Variants in NLRP14 observed in about 807,000 individuals in gnomAD.
The protein encoded by NLRP14 is NLR family pyrin domain containing 14.
A neutral mutation model predicts 94.7 loss-of-function variants in NLRP14; 105 were observed. The observed-to-expected ratio is 1.11, with a 90% CI of 0.95 to 1.30. The LOEUF is 1.30. Among genes scored for constraint, NLRP14 ranks in the 50% most tolerant of loss-of-function variants. The pLI is 0.00. For synonymous variants in NLRP14, 508 were observed against 459.9 expected (o/e 1.10, Z -1.34); for missense variants, 1,362 against 1,254.1 (o/e 1.09, Z -1.30).
At chr11:7,029,450 T>C (rs1272108727) in intron 1 of NLRP14, among the ~76,000 whole-genome samples, 1 of 152,184 alleles carries the variant, frequency 6.6e-6, no homozygotes, top group African/African-American at 2.4e-5. Flanking sequence ...CACTTCCAAA[T>C]ATAAGTTTAT....
chr11:7,039,594 C>A, intron 2 of NLRP14, 120 bp from the exon 3 acceptor site: 1 of 847,946 alleles, frequency 1.2e-6, no homozygotes, highest in Middle Eastern at 2.9e-4. Context: ...CTCTAGTTTT[C>A]TTAAACCCAG....
At position 7,049,795 on chromosome 11, in the gene NLRP14, T is replaced by A. The variant is rs1852416149; in HGVS notation, c.2248T>A (p.Cys750Ser). The change falls in exon 6 of 12, where the codon TGT becomes AGT. Residue 750 changes from cysteine to serine, a missense_variant. Physicochemically the swap from Cys to Ser is moderately radical, Grantham distance 112. Coordinates refer to ENST00000299481, the MANE Select transcript of NLRP14 (RefSeq NM_176822.4). ...AGGGGATAATGGAGTAAAGTCATTG[T>A]GTGAGGCCTTGAAACACCCAGAGTG... The part of the protein sequence containing the change: ...DIGDNGVKSL[C>S]EALKHPECKL... 3.1e-6 allele frequency: 5 copies of A among 1,611,970 alleles called. No homozygotes were observed. Among genetic ancestry groups the A allele is most frequent in the Non-Finnish European group, 4.2e-6 (5 of 1,178,200 alleles).
At chr11:7,090,102 A>T in the NLRP14 span, 1 of 1,612,080 alleles carries the variant, frequency 6.2e-7, no homozygotes, top group Non-Finnish European at 8.5e-7. Flanking sequence ...CAGTTACAGC[A>T]GCAGTTATGG....
At position 7,042,962 on chromosome 11, in the gene NLRP14, T is replaced by C. The variant is rs201648157; in HGVS notation, c.936T>C (p.Ser312=). ...TGGTGACAACAAGACTCACAACTTC[T>C]AAGAGACTAAAGCAGTTGTTGAAGA... ...SLLVTTRLTT[S]KRLKQLLKNH... is the part of the protein sequence containing the mutation. Residue 312 remains serine (S), a synonymous_variant, in exon 4 of 12, where the codon TCT becomes TCC. Coordinates refer to ENST00000299481, the MANE Select transcript of NLRP14 (RefSeq NM_176822.4). 2.3e-5 allele frequency: 37 copies of C among 1,614,180 alleles called. No individual in the cohort carries two copies. The highest frequency in any genetic ancestry group is 3.1e-5 in the Non-Finnish European group (37 of 1,180,016).
Position 7,043,621 on chromosome 11 carries a change from T to A in NLRP14, c.1595T>A (p.Leu532Ter), listed in dbSNP as rs1176214109. The A allele has an allele frequency of 1.9e-6, 3 of 1,614,074 alleles. No individual in the cohort carries two copies. Among genetic ancestry groups the A allele is most frequent in the Non-Finnish European group, 2.5e-6 (3 of 1,180,044 alleles). ...CATTTGACACAGATGAAGTGCTTTTTGTTTGGCCTTTTGAATGAAGATCGA... is the reference window on the plus strand; with the variant it reads ...CATTTGACACAGATGAAGTGCTTTTAGTTTGGCCTTTTGAATGAAGATCGA... ...DPHLTQMKCF[L>*]FGLLNEDRVK... The change falls in exon 4 of 12, where the codon TTG (leucine) becomes TAG (stop). Residue 532 changes from leucine to a stop codon, truncating the protein, a stop_gained. Transcript: ENST00000299481. LOFTEE classifies it high-confidence loss of function.
chr11:7,071,340 A>G lies in NLRP14; in HGVS notation c.*32A>G. On this transcript the variant is annotated 3_prime_UTR_variant, in exon 12 of 12. Coordinates refer to ENST00000299481, the MANE Select transcript of NLRP14 (RefSeq NM_176822.4). ...GAAACTGACATTCCTTTAAAAATAT[A>G]AATATAAATACATACATACATAGAT... The G allele has an allele frequency of 6.4e-7, 1 of 1,564,994 alleles. No homozygotes were observed. Among genetic ancestry groups the G allele is most frequent in the Non-Finnish European group, 8.8e-7 (1 of 1,141,948 alleles).
intron 4 of NLRP14, among the ~76,000 whole-genome samples, 200 bp from the exon 5 acceptor site, chr11:7,046,468 C>T (rs938089276): frequency 2.0e-5 from 3 of 152,048 alleles, no homozygotes; most frequent in South Asian, 2.1e-4. Flanking sequence ...GGATGGGAAA[C>T]GGGAGAGCTA....
At chr11:7,027,882 T>G (rs2119555997) in intron 1 of NLRP14, among the ~76,000 whole-genome samples, 1 of 152,288 alleles carries the variant, frequency 6.6e-6, no homozygotes, top group Admixed American at 6.5e-5. Flanking sequence ...TTGAAACATT[T>G]TCTTCACTTG....
intron 9 of NLRP14, 31 bp from the exon 10 acceptor site, chr11:7,062,302 G>T (rs775876898): frequency 1.3e-6 from 2 of 1,581,462 alleles, no homozygotes; most frequent in African/African-American, 1.3e-5. Context: ...CACAATGGAA[G>T]GATTCACTTT....
At chr11:7,079,322 C>T in the NLRP14 span, among the ~76,000 whole-genome samples, 2 of 152,156 alleles carry the variant, frequency 1.3e-5, no homozygotes, top group Non-Finnish European at 2.9e-5. Context: ...CCCCTCTTTG[C>T]CTGTTTCTCA....
chr11:7,056,693 C>A lies in NLRP14; in HGVS notation c.2292-984C>A, dbSNP rs1289609294. On this transcript the variant is annotated intron_variant, in intron 6 of 11. Transcript: ENST00000299481. ...CTTTCATTTTTGTTCTGTTTTGCTTCCAAGATTTGGAAGCAACCTAAATGT... is the reference window on the plus strand; with the variant it reads ...CTTTCATTTTTGTTCTGTTTTGCTTACAAGATTTGGAAGCAACCTAAATGT... Among the ~76,000 whole-genome samples, 4 of 151,748 alleles carry A rather than the reference C, an allele frequency of 2.6e-5. No individual in the cohort carries two copies. The East Asian group carries it at 5.8e-4, about 22-fold the overall frequency.
chr11:7,021,396 A>C (rs1160229515), intron 1 of NLRP14, among the ~76,000 whole-genome samples: 1 of 152,144 alleles, frequency 6.6e-6, no homozygotes, highest in Non-Finnish European at 1.5e-5. Context: ...TCACCACACA[A>C]TAAGCTCTTG....
intron 6 of NLRP14, among the ~76,000 whole-genome samples, chr11:7,052,011 T>G (rs1004760753): frequency 1.3e-5 from 2 of 152,190 alleles, no homozygotes; most frequent in African/African-American, 4.8e-5. Flanking sequence ...CTCTTTGTCT[T>G]GATAATTTTT....
At chr11:7,047,873 C>A (rs1206379158) in intron 5 of NLRP14, among the ~76,000 whole-genome samples, 1 of 150,914 alleles carries the variant, frequency 6.6e-6, no homozygotes, top group Non-Finnish European at 1.5e-5. Flanking sequence ...CATTCTCCTG[C>A]CTCAGCCTCC....
In NLRP14 at chr11:7,061,438, C is replaced by T. The variant is rs1338435393; in HGVS notation, c.2805-895C>T. 2.0e-5 allele frequency among the ~76,000 whole-genome samples: 3 copies of T among 152,000 alleles called. No individual in the cohort carries two copies. The South Asian group carries it at 6.2e-4, about 31-fold the overall frequency. On this transcript the variant is annotated intron_variant, in intron 9 of 11. Transcript: ENST00000299481. ...TTTCTGTCCTTAGCATTGCTGTAAACAAAGCTGTACTTTCTTAATTACCTT... is the reference window on the plus strand; with the variant it reads ...TTTCTGTCCTTAGCATTGCTGTAAATAAAGCTGTACTTTCTTAATTACCTT...
chr11:7,026,404 A>C (rs1852014231), intron 1 of NLRP14, among the ~76,000 whole-genome samples: 1 of 152,268 alleles, frequency 6.6e-6, no homozygotes, highest in African/African-American at 2.4e-5. Flanking sequence ...CACATGAGAA[A>C]ATGCTCATCA....
intron 4 of NLRP14, 107 bp downstream of exon 4, chr11:7,044,091 T>C: frequency 9.4e-7 from 1 of 1,064,968 alleles, no homozygotes; most frequent in Non-Finnish European, 1.4e-6. Context: ...GAGATAACCC[T>C]CTGGAGTTGT....
chr11:7,089,678 G>A, the NLRP14 span: 4 of 1,490,600 alleles, frequency 2.7e-6, no homozygotes, highest in East Asian at 2.5e-5. Flanking sequence ...CCGTGCGGGG[G>A]CGAGACGGCT....
the NLRP14 span, among the ~76,000 whole-genome samples, chr11:7,077,681 A>C: frequency 6.6e-6 from 1 of 152,260 alleles, no homozygotes; most frequent in Admixed American, 6.5e-5. Flanking sequence ...GGCACGTCTC[A>C]CGTGGCTATA....
Sources: gnomAD v4.1 joint callset for allele counts (sites outside exome capture counted in the v4.1 genomes callset) on GRCh38, gnomAD v4.1.1 for gene constraint, MANE v1.5 for transcripts, NCBI Gene and HGNC (gene_info 2026-07-23, HGNC 2026-07-21) for gene names.